Variants in FRMD4A observed in about 807,000 individuals in gnomAD.
The protein encoded by FRMD4A is FERM domain containing 4A.
A neutral mutation model predicts 129.1 loss-of-function variants in FRMD4A; 29 were observed. That is an observed-to-expected ratio of 0.22 (90% confidence interval 0.17 to 0.31). The LOEUF is 0.31. Ranked by LOEUF, FRMD4A falls within the 10% of genes least tolerant of loss-of-function variation. The pLI is 1.00. For synonymous variants in FRMD4A, 634 were observed against 571.6 expected, an observed-to-expected ratio of 1.11 and a Z score of -1.56; for missense variants, 1,272 against 1,375.8, an observed-to-expected ratio of 0.92 and a Z score of 1.19.
intron 2 of FRMD4A, among the ~76,000 whole-genome samples, chr10:14,030,417 G>T (rs1028214802): frequency 1.4e-4 from 22 of 152,180 alleles, no homozygotes; most frequent in African/African-American, 4.6e-4. Context: ...TTTTGTCCGT[G>T]ATATCTCCAT....
intron 3 of FRMD4A, among the ~76,000 whole-genome samples, chr10:13,832,512 C>T (rs1378556609): frequency 1.3e-5 from 2 of 152,188 alleles, no homozygotes; most frequent in Non-Finnish European, 2.9e-5. Context: ...GGGATTCCGA[C>T]TTGATTGGTC....
chr10:13,691,549 G>A (rs952976337), intron 15 of FRMD4A, among the ~76,000 whole-genome samples: 3 of 152,134 alleles, frequency 2.0e-5, no homozygotes, highest in Admixed American at 6.6e-5. Context: ...CAATTAAAGC[G>A]ACTAGACCAG....
chr10:13,860,215 T>A (rs1465696468), intron 2 of FRMD4A, among the ~76,000 whole-genome samples: 4 of 152,220 alleles, frequency 2.6e-5, no homozygotes, highest in Non-Finnish European at 4.4e-5. Flanking sequence ...CTGCTAGTAA[T>A]TCCAACATAC....
intron 2 of FRMD4A, among the ~76,000 whole-genome samples, chr10:14,030,368 C>T (rs1833180113): frequency 6.6e-6 from 1 of 152,204 alleles, no homozygotes; most frequent in African/African-American, 2.4e-5. Flanking sequence ...TGTATACCTG[C>T]ATAGGAACAT....
chr10:14,181,092 A>C (rs552418042), intron 2 of FRMD4A, among the ~76,000 whole-genome samples: 81 of 152,304 alleles, frequency 5.3e-4, no homozygotes, highest in Non-Finnish European at 8.8e-4. Context: ...GCCCTTGGAG[A>C]CTTTTCCCTT....
intron 2 of FRMD4A, among the ~76,000 whole-genome samples, chr10:13,916,175 A>G (rs1448812780): frequency 6.6e-6 from 1 of 152,106 alleles, no homozygotes; most frequent in Non-Finnish European, 1.5e-5. Context: ...CTGGCTGTGA[A>G]GTCTTTAGGT....
At chr10:13,703,736 G>C (rs1402579310) in intron 13 of FRMD4A, among the ~76,000 whole-genome samples, 1 of 152,202 alleles carries the variant, frequency 6.6e-6, no homozygotes, top group Non-Finnish European at 1.5e-5. Context: ...TGGAAGAGAG[G>C]ACTTGCAATG....
chr10:14,172,801 AG>A (rs1157051092), intron 2 of FRMD4A, among the ~76,000 whole-genome samples: 3 of 152,190 alleles, frequency 2.0e-5, no homozygotes, highest in Non-Finnish European at 4.4e-5. Context: ...AGTGAGAACA[AG>A]TGGGTCACCA....
chr10:14,060,049 C>G (rs191242040), intron 2 of FRMD4A, among the ~76,000 whole-genome samples: 5 of 152,310 alleles, frequency 3.3e-5, no homozygotes, highest in Non-Finnish European at 1.5e-5. Context: ...ACAGTCTATA[C>G]CTTTAACTAC....
intron 2 of FRMD4A, among the ~76,000 whole-genome samples, chr10:13,889,859 G>A (rs756870672): frequency 1.3e-5 from 2 of 152,108 alleles, no homozygotes; most frequent in Non-Finnish European, 2.9e-5. Flanking sequence ...TGTATTCACT[G>A]GCTGGACAAT....
At chr10:13,773,635 ACT>A (rs1437916028) in intron 6 of FRMD4A, among the ~76,000 whole-genome samples, 1 of 152,026 alleles carries the variant, frequency 6.6e-6, no homozygotes, top group African/African-American at 2.4e-5. Flanking sequence ...AACTAAACAG[ACT>A]CTGTCATTTT....
At chr10:14,159,909 G>C (rs1050744650) in intron 2 of FRMD4A, among the ~76,000 whole-genome samples, 1 of 152,090 alleles carries the variant, frequency 6.6e-6, no homozygotes, top group Non-Finnish European at 1.5e-5. Flanking sequence ...AATTAGCCAG[G>C]CGTGGTGGTG....
chr10:13,729,733 C>T (rs1488180095), intron 12 of FRMD4A, among the ~76,000 whole-genome samples: 1 of 152,172 alleles, frequency 6.6e-6, no homozygotes, highest in Non-Finnish European at 1.5e-5. Context: ...CCCCATAGTG[C>T]TCCTAATTGT....
intron 2 of FRMD4A, among the ~76,000 whole-genome samples, chr10:13,989,935 T>G (rs1182816805): frequency 6.6e-6 from 1 of 152,224 alleles, no homozygotes; most frequent in Non-Finnish European, 1.5e-5. Context: ...CAACCAGACC[T>G]AGAGTTCCTT....
At chr10:13,825,614 T>C (rs1221649340) in intron 3 of FRMD4A, among the ~76,000 whole-genome samples, 4 of 152,114 alleles carry the variant, frequency 2.6e-5, no homozygotes, top group African/African-American at 9.7e-5. Context: ...ATGAAACTGG[T>C]CCCTTGTGCC....
chr10:14,139,650 A>T (rs1455357501), intron 2 of FRMD4A, among the ~76,000 whole-genome samples: 1 of 151,800 alleles, frequency 6.6e-6, no homozygotes, highest in Non-Finnish European at 1.5e-5. Context: ...GGGTCTTGCC[A>T]TGTTGCCTGG....
Position 14,246,382 on chromosome 10 carries a change from T to TAC in FRMD4A, c.45+83674_45+83675dup, listed in dbSNP as rs72276961. ...TAGTACAGAAATAAGAAAACACACA[T>TAC]ACACACACACACACACACACACACA... On this transcript the variant is annotated intron_variant, in intron 2 of 24. Transcript: ENST00000357447. 1.4e-3 allele frequency among the ~76,000 whole-genome samples: 208 copies of TAC among 151,078 alleles called. 2 individuals are homozygous for TAC. The highest frequency in any genetic ancestry group is 4.7e-3 in the African/African-American group (195 of 41,190).
intron 2 of FRMD4A, among the ~76,000 whole-genome samples, chr10:13,996,231 G>T (rs1599905): frequency 0.29 from 43,462 of 152,088 alleles, 7,381 homozygotes; most frequent in East Asian, 0.73. Flanking sequence ...TATATTAATT[G>T]CAGAGGAACA....
At chr10:14,060,535 T>C (rs1336256493) in intron 2 of FRMD4A, among the ~76,000 whole-genome samples, 1 of 152,216 alleles carries the variant, frequency 6.6e-6, no homozygotes, top group African/African-American at 2.4e-5. Context: ...CCCTCTTCAG[T>C]AGAAGGCATT....
Sources: allele counts gnomAD v4.1 joint callset (sites outside exome capture counted in the v4.1 genomes callset), GRCh38; gene constraint gnomAD v4.1.1; transcripts MANE v1.5; gene names NCBI Gene and HGNC (gene_info 2026-07-23, HGNC 2026-07-21).